Variants in CHRM3 observed in about 807,000 individuals in gnomAD.
The protein encoded by CHRM3 is muscarinic acetylcholine receptor M3.
Under a neutral mutation model 41.8 loss-of-function variants are expected in CHRM3, and 11 were observed. The observed-to-expected ratio is 0.26, with a 90% CI of 0.17 to 0.44. The LOEUF is 0.44. CHRM3 is among the 20% of genes least tolerant of loss of function. CHRM3 has a pLI of 1.00. For missense variants in CHRM3, 571 were observed against 745.4 expected (o/e 0.77, Z 2.72); for synonymous variants, 297 against 301.4 (o/e 0.99, Z 0.15).
chr1:239,749,261 G>C (rs1057283793), intron 5 of CHRM3, among the ~76,000 whole-genome samples: 1 of 152,156 alleles, frequency 6.6e-6, no homozygotes, highest in Non-Finnish European at 1.5e-5. Flanking sequence ...GGAGAGGGGA[G>C]ACTGACTTTG....
rs58433814 is a variant in CHRM3 at position 239,531,639 on chromosome 1, A to ATTTTTTTTTTTTTTT, written c.-421-13979_-421-13965dup. ...ATAAAAACTAATCTCTCTAGAATGG[A>ATTTTTTTTTTTTTTT]TTTTTTTTTTTTTTTTTTTTTTTTT... On this transcript the variant is annotated intron_variant, in intron 2 of 6. Transcript: ENST00000676153. Among the ~76,000 whole-genome samples the ATTTTTTTTTTTTTTT allele has an allele frequency of 7.2e-5, 4 of 55,900 alleles. 1 individual carries two copies. Among genetic ancestry groups the ATTTTTTTTTTTTTTT allele is most frequent in the African/African-American group, 1.8e-4 (2 of 11,330 alleles). The allele number at this position is 55,900 out of a possible 152,430, so 36.7% of individuals were successfully genotyped here. A position where few individuals can be genotyped will look rare whatever the true frequency, so the allele number is the denominator to read the frequency against.
chr1:239,489,115 G>A (rs943788119), intron 1 of CHRM3, among the ~76,000 whole-genome samples: 11 of 152,066 alleles, frequency 7.2e-5, no homozygotes, highest in African/African-American at 2.7e-4. Context: ...TTCTTTTTGT[G>A]TAAGAAAAAA....
At chr1:239,535,220 T>C (rs1330178999) in intron 2 of CHRM3, among the ~76,000 whole-genome samples, 1 of 152,134 alleles carries the variant, frequency 6.6e-6, no homozygotes, top group Non-Finnish European at 1.5e-5. Context: ...CAATCAACCG[T>C]GCCAGTGGCC....
At chr1:239,434,810 G>A (rs1663106338) in intron 1 of CHRM3, among the ~76,000 whole-genome samples, 1 of 152,182 alleles carries the variant, frequency 6.6e-6, no homozygotes, top group Non-Finnish European at 1.5e-5. Flanking sequence ...GAAAATAGGA[G>A]GGAGGGATTG....
At chr1:239,505,774 A>T (rs1668526204) in intron 2 of CHRM3, among the ~76,000 whole-genome samples, 1 of 152,180 alleles carries the variant, frequency 6.6e-6, no homozygotes, top group Non-Finnish European at 1.5e-5. Context: ...GAAGACAGGA[A>T]ATTGTGGGAA....
intron 1 of CHRM3, among the ~76,000 whole-genome samples, chr1:239,459,297 A>G (rs1162052111): frequency 6.6e-6 from 1 of 152,164 alleles, no homozygotes; most frequent in East Asian, 1.9e-4. Context: ...AATCATTTAT[A>G]TTCGTTTTGC....
intron 6 of CHRM3, among the ~76,000 whole-genome samples, chr1:239,846,833 A>G (rs1278866205): frequency 6.6e-6 from 1 of 152,238 alleles, no homozygotes; most frequent in Admixed American, 6.5e-5. Context: ...GATAAGCGGC[A>G]TAGAGTAATG....
chr1:239,568,128 A>T (rs1661521289), intron 3 of CHRM3, among the ~76,000 whole-genome samples: 1 of 152,076 alleles, frequency 6.6e-6, no homozygotes, highest in African/African-American at 2.4e-5. Context: ...TCAGTTTCAT[A>T]TGGTGGCTAT....
chr1:239,460,884 C>T (rs2147877647), intron 1 of CHRM3, among the ~76,000 whole-genome samples: 1 of 152,302 alleles, frequency 6.6e-6, no homozygotes, highest in African/African-American at 2.4e-5. Flanking sequence ...GATTCCTATG[C>T]TTCAGAGAGA....
At chr1:239,516,881 G>C (rs944264616) in intron 2 of CHRM3, among the ~76,000 whole-genome samples, 1 of 152,086 alleles carries the variant, frequency 6.6e-6, no homozygotes, top group African/African-American at 2.4e-5. Context: ...TGAACTGCAC[G>C]TGCAAAGGAT....
chr1:239,685,995 CAA>C (rs1659108699), intron 5 of CHRM3, among the ~76,000 whole-genome samples: 1 of 151,802 alleles, frequency 6.6e-6, no homozygotes, highest in African/African-American at 2.4e-5. Context: ...CAAAAACAAA[CAA>C]ACAAAAAAAC....
In CHRM3 at chr1:239,627,029, A is replaced by G. The variant is rs1202959724; in HGVS notation, c.-312-5195A>G. Among the ~76,000 whole-genome samples the G allele has an allele frequency of 1.1e-3, 155 of 135,430 alleles. 1 individual carries two copies. The highest frequency in any genetic ancestry group is 4.5e-3 in the South Asian group (14 of 3,124). The allele number at this position is 135,430 out of a possible 152,430, so 88.8% of individuals were successfully genotyped here. ...GATGTCTATTAGGTCTGCTTGGTGC[A>G]GAGCTGAGTTCAATTCCTGCGTATC... On this transcript the variant is annotated intron_variant, in intron 3 of 6. Transcript: ENST00000676153.
At chr1:239,408,163 A>G (rs879146063) in intron 1 of CHRM3, 1 of 152,026 alleles carries the variant, frequency 6.6e-6, no homozygotes. Context: ...TGGTTTTTTA[A>G]GCGGCTTTCC....
chr1:239,622,860 A>G (rs944900254), intron 3 of CHRM3, among the ~76,000 whole-genome samples: 1 of 152,206 alleles, frequency 6.6e-6, no homozygotes, highest in African/African-American at 2.4e-5. Flanking sequence ...GCTGTCAAAC[A>G]GCATCACATG....
At chr1:239,472,546 A>T (rs777599561) in intron 1 of CHRM3, among the ~76,000 whole-genome samples, 6 of 152,236 alleles carry the variant, frequency 3.9e-5, no homozygotes, top group African/African-American at 4.8e-5. Context: ...AGCAGGTAAC[A>T]ACTTGCTTTT....
intron 5 of CHRM3, among the ~76,000 whole-genome samples, chr1:239,769,083 T>G (rs1050038719): frequency 5.3e-5 from 8 of 150,406 alleles, no homozygotes; most frequent in Admixed American, 5.3e-4. Context: ...TTTTTTTTTC[T>G]TCAGAATATG....
intron 2 of CHRM3, among the ~76,000 whole-genome samples, chr1:239,544,083 G>A (rs1056877536): frequency 6.6e-6 from 1 of 152,194 alleles, no homozygotes; most frequent in African/African-American, 2.4e-5. Flanking sequence ...ACTGGCAGCA[G>A]GGTTGGAGTT....
At chr1:239,616,226 T>C (rs535271255) in intron 3 of CHRM3, among the ~76,000 whole-genome samples, 94 of 152,314 alleles carry the variant, frequency 6.2e-4, no homozygotes, top group African/African-American at 1.7e-3. Flanking sequence ...AAACCTAAAT[T>C]TAATATATGT....
At chr1:239,593,421 T>C (rs933849217) in intron 3 of CHRM3, among the ~76,000 whole-genome samples, 1 of 152,120 alleles carries the variant, frequency 6.6e-6, no homozygotes. Context: ...ATTTGGAGCA[T>C]TGGACCAAAG....
Sources: gnomAD v4.1 joint callset for allele counts (sites outside exome capture counted in the v4.1 genomes callset) on GRCh38, gnomAD v4.1.1 for gene constraint, MANE v1.5 for transcripts, NCBI Gene and HGNC (gene_info 2026-07-23, HGNC 2026-07-21) for gene names.